The following ARHGAP21 variants were observed in gnomAD, a reference collection of about 807,000 sequenced individuals.
The protein encoded by ARHGAP21 is rho GTPase-activating protein 21.
ARHGAP21 carries 38 observed loss-of-function variants against 164.6 expected under a neutral mutation model. The ratio of observed to expected loss-of-function variants is 0.23; its 90% CI spans 0.18 to 0.30. ARHGAP21 has a LOEUF of 0.30. Among genes scored for constraint, ARHGAP21 ranks in the 10% least tolerant of loss-of-function variants. The pLI is 1.00. For missense variants in ARHGAP21, 1,822 were observed against 2,370.7 expected (o/e 0.77, Z 4.81); for synonymous variants, 766 against 857.9 (o/e 0.89, Z 1.87).
At position 24,597,950 on chromosome 10, in the gene ARHGAP21, C is replaced by A; in HGVS notation, c.3192G>T (p.Leu1064=). The change falls in exon 15 of 26, where the codon CTG becomes CTT. Residue 1064 remains leucine, a synonymous_variant. Transcript: ENST00000396432. ...ISRRIKEYNN[L]MSKAEQLPKT... is the part of the protein sequence containing the mutation. ...AGGCAAGGTGGGATTCTCACCTCATCAGATTGTTGTATTCTTTTATTCTTC... is the reference window on the plus strand; with the variant it reads ...AGGCAAGGTGGGATTCTCACCTCATAAGATTGTTGTATTCTTTTATTCTTC... 1 of 1,613,230 alleles carries A rather than the reference C, an allele frequency of 6.2e-7. No individual in the cohort carries two copies. The highest frequency in any genetic ancestry group is 8.5e-7 in the Non-Finnish European group (1 of 1,179,492).
intron 25 of ARHGAP21, among the ~76,000 whole-genome samples, chr10:24,587,393 CA>C (rs1423885624): frequency 6.6e-6 from 1 of 152,054 alleles, no homozygotes; most frequent in Non-Finnish European, 1.5e-5. Context: ...GTAATAGAAA[CA>C]GACAGTATAT....
chr10:24,661,327 C>T (rs1198253983), intron 4 of ARHGAP21, among the ~76,000 whole-genome samples: 1 of 151,556 alleles, frequency 6.6e-6, no homozygotes, highest in East Asian at 1.9e-4. Flanking sequence ...AGAAAAAATA[C>T]TTTTAAAATA....
intron 21 of ARHGAP21, 137 bp from the exon 22 acceptor site, chr10:24,592,149 T>C (rs568662271): frequency 1.7e-4 from 112 of 653,782 alleles, no homozygotes; most frequent in South Asian, 1.5e-3. Context: ...TAATGCTTTC[T>C]AGCAAGATTT....
intron 21 of ARHGAP21, among the ~76,000 whole-genome samples, chr10:24,594,340 T>G (rs2076480401): frequency 6.6e-6 from 1 of 152,132 alleles, no homozygotes; most frequent in Non-Finnish European, 1.5e-5. Flanking sequence ...AAAGACACTT[T>G]TACAATCAAG....
intron 9 of ARHGAP21, among the ~76,000 whole-genome samples, chr10:24,615,400 G>C (rs1386967009): frequency 6.6e-6 from 1 of 152,172 alleles, no homozygotes; most frequent in East Asian, 1.9e-4. Context: ...GGGTAAGAGG[G>C]AGGAGGAGAA....
At chr10:24,636,400 C>CT (rs1385380452) in intron 4 of ARHGAP21, among the ~76,000 whole-genome samples, 2 of 152,276 alleles carry the variant, frequency 1.3e-5, no homozygotes, top group Admixed American at 6.5e-5. Flanking sequence ...ATCAGAAACT[C>CT]TGAGGTGATT....
intron 3 of ARHGAP21, 41 bp downstream of exon 3, chr10:24,670,177 T>G (rs777750013): frequency 6.9e-7 from 1 of 1,454,514 alleles, no homozygotes; most frequent in Non-Finnish European, 9.3e-7. Flanking sequence ...AGGAATGGCC[T>G]TGTGGTTTTT....
At chr10:24,614,588 G>T (rs1333777279) in intron 9 of ARHGAP21, among the ~76,000 whole-genome samples, 1 of 151,908 alleles carries the variant, frequency 6.6e-6, no homozygotes, top group Non-Finnish European at 1.5e-5. Context: ...TTCGAGACCA[G>T]CTTGGCCAAC....
rs564550602 is a variant in ARHGAP21, at chr10:24,703,979, T to C, written c.63+17858A>G. Reference sequence around the variant, plus strand: ...AAACCTTGAATTAGTCATCAACATTTAAAAATTAGGACACGTTAACATGAA... The same window carrying C: ...AAACCTTGAATTAGTCATCAACATTCAAAAATTAGGACACGTTAACATGAA... On this transcript the variant is annotated intron_variant, in intron 2 of 25. Transcript: ENST00000396432. 2.0e-5 allele frequency among the ~76,000 whole-genome samples: 3 copies of C among 152,326 alleles called. No individual in the cohort carries two copies. The East Asian group carries it at 5.8e-4, about 29-fold the overall frequency.
rs777701954 is a variant in ARHGAP21 at position 24,619,815 on chromosome 10, G to T, written c.2080C>A (p.Pro694Thr). The T allele has an allele frequency of 1.9e-6, 3 of 1,614,124 alleles. No homozygotes were observed. Among genetic ancestry groups the T allele is most frequent in the Non-Finnish European group, 2.5e-6 (3 of 1,180,034 alleles). Residue 694 changes from proline to threonine, a missense_variant, in exon 9 of 26, where the codon CCT becomes ACT. By Grantham distance (38) the Pro-to-Thr change is conservative (BLOSUM62 -1). Around this residue, in one of 5 missense-constraint regions of ARHGAP21, gnomAD observed 1,090 missense variants for 1,378.9 expected, o/e 0.79. Transcript: ENST00000396432. ...SLSGASAKPA[P>T]QSSENAGTSD... The stretch of plus-strand genomic sequence containing the variant: ...GTACCAGCGTTTTCACTCGACTGAG[G>T]GGCAGGCTTGGCAGAGGCTCCAGAT...
intron 2 of ARHGAP21, among the ~76,000 whole-genome samples, chr10:24,714,595 A>G (rs1845171405): frequency 6.6e-6 from 1 of 152,234 alleles, no homozygotes; most frequent in Non-Finnish European, 1.5e-5. Flanking sequence ...CTTGCAGCAT[A>G]AAACTTTTGG....
chr10:24,597,063 T>C (rs956761801), intron 16 of ARHGAP21, among the ~76,000 whole-genome samples, 181 bp from the exon 17 acceptor site: 4 of 129,766 alleles, frequency 3.1e-5, no homozygotes, highest in African/African-American at 8.6e-5. Flanking sequence ...TCTTTTATAA[T>C]GCGTGCTATA....
intron 9 of ARHGAP21, among the ~76,000 whole-genome samples, chr10:24,613,686 G>A (rs2077360157): frequency 6.6e-6 from 1 of 152,200 alleles, no homozygotes; most frequent in South Asian, 2.1e-4. Context: ...AGGGAGTGGA[G>A]TTGTAAATCC....
intron 9 of ARHGAP21, among the ~76,000 whole-genome samples, chr10:24,615,039 A>C (rs2077419170): frequency 6.6e-6 from 1 of 151,520 alleles, no homozygotes; most frequent in South Asian, 2.1e-4. Context: ...AAATACAAAA[A>C]ATTAGCTGGG....
chr10:24,622,862 C>T lies in ARHGAP21; in HGVS notation c.496-100G>A, dbSNP rs1012729752. 1.3e-4 allele frequency: 152 copies of T among 1,186,476 alleles called. 1 individual carries two copies. In the Middle Eastern group the frequency reaches 1.4e-3, roughly 11 times the overall value. The allele number at this position is 1,186,476 out of a possible 1,614,324, so 73.5% of individuals were successfully genotyped here. A position where few individuals can be genotyped will look rare whatever the true frequency, so the allele number is the denominator to read the frequency against. ...TGGAAACGGCAAGCTAAAAATACAT[C>T]TATACTTGTTTCTCTGGAAGGTACC... On this transcript the variant is annotated intron_variant, in intron 7 of 25. Transcript: ENST00000396432.
chr10:24,679,459 G>A (rs1353675188), intron 2 of ARHGAP21, among the ~76,000 whole-genome samples: 1 of 152,098 alleles, frequency 6.6e-6, no homozygotes, highest in Non-Finnish European at 1.5e-5. Context: ...TGAGGGTTTG[G>A]GTGTCAACAT....
At chr10:24,686,847 T>G (rs1459245265) in intron 2 of ARHGAP21, among the ~76,000 whole-genome samples, 1 of 152,200 alleles carries the variant, frequency 6.6e-6, no homozygotes, top group Non-Finnish European at 1.5e-5. Flanking sequence ...AGCACCAAAG[T>G]GCCTTACAGC....
intron 2 of ARHGAP21, among the ~76,000 whole-genome samples, chr10:24,692,113 G>T (rs1351727376): frequency 1.3e-5 from 2 of 152,218 alleles, no homozygotes; most frequent in Non-Finnish European, 1.5e-5. Flanking sequence ...TCTTGATGAT[G>T]TTGGTATTGT....
intron 2 of ARHGAP21, among the ~76,000 whole-genome samples, chr10:24,677,116 C>T (rs567123210): frequency 1.5e-4 from 23 of 151,942 alleles, no homozygotes; most frequent in Admixed American, 3.3e-4. Flanking sequence ...GCTACTCTGG[C>T]GGCTAAGGAA....
Sources: allele counts gnomAD v4.1 joint callset (sites outside exome capture counted in the v4.1 genomes callset), GRCh38; gene constraint gnomAD v4.1.1; regional missense constraint gnomAD v4.1.1; transcripts MANE v1.5; gene names NCBI Gene and HGNC (gene_info 2026-07-23, HGNC 2026-07-21).